The following RGS17 variants were observed in gnomAD, a reference collection of about 807,000 sequenced individuals.
RGS17 encodes regulator of G protein signaling 17.
Under a neutral mutation model 25.5 loss-of-function variants are expected in RGS17, and 12 were observed. The observed-to-expected ratio is 0.47, with a 90% CI of 0.30 to 0.76. The LOEUF (loss-of-function observed/expected upper bound fraction) is 0.76, where lower values mean the gene tolerates loss of function less well. RGS17 is among the 30% of genes least tolerant of loss of function. The pLI, the probability that RGS17 is intolerant of heterozygous loss-of-function variation, is 0.07. For synonymous variants in RGS17, 71 were observed against 76.9 expected (o/e 0.92, Z 0.40); for missense variants, 196 against 242.2 (o/e 0.81, Z 1.27).
In RGS17 at chr6:153,054,039, ATATG is replaced by A. The variant is rs1321088595; in HGVS notation, c.-25-10000_-25-9997del. ...ATATGTATATAATATATATACATAT[ATATG>A]TATATATGTATATAATATATATACA... On this transcript the variant is annotated intron_variant, in intron 1 of 4. Coordinates refer to ENST00000206262, the MANE Select transcript of RGS17 (RefSeq NM_012419.5). Among the ~76,000 whole-genome samples the A allele has an allele frequency of 8.7e-5, 6 of 69,190 alleles. 1 individual carries two copies. The highest frequency in any genetic ancestry group is 2.9e-4 in the African/African-American group (5 of 17,046). 45.4% of individuals were successfully genotyped at this position (69,190 alleles called of 152,430 possible).
chr6:153,069,457 G>A (rs1308646337), intron 1 of RGS17, among the ~76,000 whole-genome samples: 3 of 152,110 alleles, frequency 2.0e-5, no homozygotes, highest in Non-Finnish European at 4.4e-5. Flanking sequence ...AGGCCAGGAA[G>A]GGTATTGGGG....
Position 153,011,642 on chromosome 6 carries a change from T to C in RGS17, c.565A>G (p.Arg189Gly). The C allele has an allele frequency of 6.2e-7, 1 of 1,612,900 alleles. No individual in the cohort carries two copies. Among genetic ancestry groups the C allele is most frequent in the Non-Finnish European group, 8.5e-7 (1 of 1,179,210 alleles). ...YTLMHRDSFP[R>G]FLNSQIYKSF... ...TTATAAATTTGAGAGTTCAAAAACCTTGGAAAAGAATCTCTGTGCATTAAA... is the reference window on the plus strand; with the variant it reads ...TTATAAATTTGAGAGTTCAAAAACCCTGGAAAAGAATCTCTGTGCATTAAA... Residue 189 changes from arginine to glycine, a missense_variant, in exon 5 of 5, where the codon AGG (arginine) becomes GGG (glycine). Coordinates refer to ENST00000206262, the MANE Select transcript of RGS17 (RefSeq NM_012419.5).
At chr6:153,080,721 A>C (rs1776965520) in intron 1 of RGS17, among the ~76,000 whole-genome samples, 1 of 152,082 alleles carries the variant, frequency 6.6e-6, no homozygotes. Context: ...CTAACATAAG[A>C]AGCATTGAAT....
chr6:153,036,756 T>C (rs1401088128), intron 2 of RGS17, among the ~76,000 whole-genome samples: 4 of 152,230 alleles, frequency 2.6e-5, no homozygotes, highest in Non-Finnish European at 5.9e-5. Context: ...CTATCATTAA[T>C]TCTTGGCAGT....
intron 2 of RGS17, among the ~76,000 whole-genome samples, chr6:153,028,231 T>C (rs1779324598): frequency 6.6e-6 from 1 of 152,134 alleles, no homozygotes; most frequent in Admixed American, 6.5e-5. Flanking sequence ...TTTATTGGTG[T>C]CGAACCATGG....
chr6:153,088,385 A>C (rs990475585), intron 1 of RGS17, among the ~76,000 whole-genome samples: 5 of 152,154 alleles, frequency 3.3e-5, no homozygotes, highest in Non-Finnish European at 5.9e-5. Flanking sequence ...TTGATATAAG[A>C]CTGAACCCTT....
intron 1 of RGS17, among the ~76,000 whole-genome samples, chr6:153,111,294 T>C (rs1195139046): frequency 1.3e-5 from 2 of 152,070 alleles, no homozygotes; most frequent in Non-Finnish European, 2.9e-5. Flanking sequence ...AGTAGGCAGT[T>C]TTCCCCTCAC....
intron 4 of RGS17, among the ~76,000 whole-genome samples, chr6:153,015,105 C>T (rs1040315659): frequency 2.0e-4 from 30 of 152,144 alleles, no homozygotes; most frequent in Non-Finnish European, 2.9e-5. Context: ...GGACTGATTG[C>T]TCCGATTTCA....
At chr6:153,111,907 T>C (rs1410536564) in intron 1 of RGS17, among the ~76,000 whole-genome samples, 1 of 151,978 alleles carries the variant, frequency 6.6e-6, no homozygotes. Context: ...AAAAAGGACG[T>C]CCACACAAAC....
chr6:153,091,342 A>G (rs3910737), intron 1 of RGS17, among the ~76,000 whole-genome samples: 59,422 of 151,834 alleles, frequency 0.39, 12,410 homozygotes, highest in East Asian at 0.66. Flanking sequence ...TTGGAGAACC[A>G]TCTCAAATGA....
Position 153,059,128 on chromosome 6 carries a change from CTCT to C in RGS17, c.-25-15088_-25-15086del, listed in dbSNP as rs79246745. Among the ~76,000 whole-genome samples, 41 of 152,134 alleles carry C rather than the reference CTCT, an allele frequency of 2.7e-4. No homozygotes were observed. In the East Asian group the frequency reaches 6.9e-3, roughly 26 times the overall value. On this transcript the variant is annotated intron_variant, in intron 1 of 4. Coordinates refer to ENST00000206262, the MANE Select transcript of RGS17 (RefSeq NM_012419.5). Reference sequence around the variant, plus strand: ...CACTTGATGGTGAGTCAGCAATTCTCTCTTCATGTTCATAACATTTATATATAC... The same window carrying C: ...CACTTGATGGTGAGTCAGCAATTCTCTCATGTTCATAACATTTATATATAC...
intron 1 of RGS17, among the ~76,000 whole-genome samples, chr6:153,045,071 C>G (rs1023917739): frequency 1.3e-5 from 2 of 152,172 alleles, no homozygotes; most frequent in African/African-American, 4.8e-5. Context: ...GCATTATGAG[C>G]TATTATTTTA....
chr6:153,083,196 A>G (rs1777007647), intron 1 of RGS17, among the ~76,000 whole-genome samples: 1 of 152,188 alleles, frequency 6.6e-6, no homozygotes, highest in Non-Finnish European at 1.5e-5. Context: ...TATTGTCACC[A>G]TCTTCTCCAA....
intron 2 of RGS17, among the ~76,000 whole-genome samples, chr6:153,030,910 C>T (rs928605715): frequency 6.6e-6 from 1 of 152,016 alleles, no homozygotes; most frequent in Non-Finnish European, 1.5e-5. Flanking sequence ...TCTTAGACAC[C>T]CTTGATGGTA....
At chr6:153,044,420 C>A (rs1350690112) in intron 1 of RGS17, among the ~76,000 whole-genome samples, 3 of 152,100 alleles carry the variant, frequency 2.0e-5, no homozygotes, top group Non-Finnish European at 4.4e-5. Flanking sequence ...GTATGTAACT[C>A]GTTTTTCCAC....
chr6:153,066,709 T>G (rs1054386918), intron 1 of RGS17, among the ~76,000 whole-genome samples: 1 of 152,186 alleles, frequency 6.6e-6, no homozygotes, highest in Admixed American at 6.5e-5. Context: ...AATCGATCAA[T>G]GTGATATATC....
chr6:153,070,673 T>TTGTGTGTGTGTGTG (rs55655703), intron 1 of RGS17, among the ~76,000 whole-genome samples: 2,009 of 145,042 alleles, frequency 0.014, 17 homozygotes, highest in East Asian at 0.057. Context: ...ACATGGAAGA[T>TTGTGTGTGTGTGTG]TGTGTGTGTG....
rs556844898 is a variant in RGS17 at position 153,066,378 on chromosome 6, A to T, written c.-25-22335T>A. Among the ~76,000 whole-genome samples the T allele has an allele frequency of 2.7e-4, 41 of 152,176 alleles. 1 individual carries two copies. The highest frequency in any genetic ancestry group is 5.0e-4 in the Non-Finnish European group (34 of 68,034). The stretch of plus-strand genomic sequence containing the variant: ...TAATAAAAAGTCTCCCTGTAAAAAA[A>T]AGCCTGGGACCTGATGGCTTCACTA... On this transcript the variant is annotated intron_variant, in intron 1 of 4. Transcript: ENST00000206262.
intron 1 of RGS17, among the ~76,000 whole-genome samples, chr6:153,084,730 G>C (rs1777029554): frequency 6.6e-6 from 1 of 152,184 alleles, no homozygotes; most frequent in Non-Finnish European, 1.5e-5. Context: ...AGGACGTTTT[G>C]TAAGCACTGT....
Sources: gnomAD v4.1 joint callset for allele counts (sites outside exome capture counted in the v4.1 genomes callset) on GRCh38, gnomAD v4.1.1 for gene constraint, MANE v1.5 for transcripts, NCBI Gene and HGNC (gene_info 2026-07-23, HGNC 2026-07-21) for gene names.